GBE1: variants seen among roughly 807,000 people sequenced by gnomAD.
GBE1 encodes 1,4-alpha-glucan branching enzyme 1, also known as 1,4-alpha-glucan-branching enzyme.
A neutral mutation model predicts 88.8 loss-of-function variants in GBE1; 70 were observed. The observed-to-expected ratio is 0.79, with a 90% CI of 0.65 to 0.96. The LOEUF (loss-of-function observed/expected upper bound fraction) is 0.96, where lower values mean the gene tolerates loss of function less well. Among genes scored for constraint, GBE1 ranks in the 40% least tolerant of loss-of-function variants. The probability of loss-of-function intolerance (pLI) is 0.00; values close to 1 mark genes in which losing one functional copy is unlikely to be tolerated. For missense variants in GBE1, 872 were observed against 871.0 expected, an observed-to-expected ratio of 1.00 and a Z score of -0.01; for synonymous variants, 284 against 300.1, an observed-to-expected ratio of 0.95 and a Z score of 0.56.
intron 1 of GBE1, among the ~76,000 whole-genome samples, chr3:81,750,538 C>CATACGTATATAT (rs1706483856): frequency 1.5e-5 from 1 of 67,830 alleles, no homozygotes; most frequent in Admixed American, 1.8e-4. Context: ...TATATATATA[C>CATACGTATATAT]GTATATATAT....
intron 1 of GBE1, among the ~76,000 whole-genome samples, chr3:81,718,628 G>GTGTGT (rs1553693898): frequency 2.0e-5 from 3 of 151,924 alleles, no homozygotes; most frequent in Non-Finnish European, 4.4e-5. Context: ...AGTTTGTTTT[G>GTGTGT]TTTGTTTTGT....
At chr3:81,564,903 A>C (rs928626722) in intron 12 of GBE1, among the ~76,000 whole-genome samples, 1 of 152,166 alleles carries the variant, frequency 6.6e-6, no homozygotes, top group South Asian at 2.1e-4. Flanking sequence ...AGATTTTTCA[A>C]AACAACTACT....
chr3:81,646,389 T>TA lies in GBE1; in HGVS notation c.782+2dup. On this transcript the variant is annotated splice_region_variant and intron_variant, in intron 6 of 15. Coordinates refer to ENST00000429644, the MANE Select transcript of GBE1 (RefSeq NM_000158.4). ...AATGAACACAATGAGTCTCTGATTT[T>TA]ACCTGGAAGCTGCAAAGAAGCTTGT... The TA allele has an allele frequency of 6.4e-7, 1 of 1,569,038 alleles. No homozygotes were observed. Among genetic ancestry groups the TA allele is most frequent in the Non-Finnish European group, 8.7e-7 (1 of 1,150,972 alleles).
intron 12 of GBE1, among the ~76,000 whole-genome samples, chr3:81,545,685 G>A (rs1368153577): frequency 1.3e-5 from 2 of 151,686 alleles, no homozygotes; most frequent in Admixed American, 1.3e-4. Flanking sequence ...CTTTTCCATG[G>A]TTTCACTTTC....
intron 7 of GBE1, among the ~76,000 whole-genome samples, chr3:81,596,896 C>T (rs967988919): frequency 3.9e-5 from 6 of 152,070 alleles, no homozygotes; most frequent in Middle Eastern, 3.4e-3. Context: ...TTAAAGAATA[C>T]GTCACCAGTG....
rs981712852 is a variant in GBE1 at position 81,591,096 on chromosome 3, G to A, written c.1177C>T (p.Leu393Phe). Residue 393 changes from leucine to phenylalanine, a missense_variant, in exon 9 of 16, where the codon CTC becomes TTC. Coordinates refer to ENST00000429644, the MANE Select transcript of GBE1 (RefSeq NM_000158.4). ...TGAACCAAATGATTTGCCAACATGAGGTAAGTCAAGGCATCTTCATCTACT... is the reference window on the plus strand; with the variant it reads ...TGAACCAAATGATTTGCCAACATGAAGTAAGTCAAGGCATCTTCATCTACT... The part of the protein sequence containing the change: ...LQVDEDALTY[L>F]MLANHLVHTL... The A allele has an allele frequency of 6.2e-7, 1 of 1,609,196 alleles. No individual in the cohort carries two copies.
chr3:81,651,565 TA>T (rs527974130), intron 3 of GBE1, among the ~76,000 whole-genome samples: 44 of 148,488 alleles, frequency 3.0e-4, no homozygotes, highest in Admixed American at 1.3e-3. Flanking sequence ...ATTTTAAGCT[TA>T]AAAAAAAAAC....
At chr3:81,563,669 G>A (rs190824939) in intron 12 of GBE1, among the ~76,000 whole-genome samples, 80 of 152,080 alleles carry the variant, frequency 5.3e-4, no homozygotes, top group Admixed American at 2.0e-3. Context: ...TGGGGCTCAC[G>A]GTTAGAAAAT....
chr3:81,507,686 A>G (rs200607731), intron 14 of GBE1, among the ~76,000 whole-genome samples: 2 of 137,156 alleles, frequency 1.5e-5, no homozygotes, highest in African/African-American at 5.2e-5. Flanking sequence ...GTATATATAT[A>G]TGTGTATATA....
chr3:81,493,761 C>T (rs1702466856), intron 15 of GBE1, among the ~76,000 whole-genome samples: 1 of 151,910 alleles, frequency 6.6e-6, no homozygotes. Flanking sequence ...GTCTCGAACT[C>T]CCGACCTCAG....
chr3:81,568,832 A>ATGTG (rs1259504717), intron 12 of GBE1, among the ~76,000 whole-genome samples: 32 of 152,242 alleles, frequency 2.1e-4, no homozygotes, highest in African/African-American at 7.7e-4. Context: ...ATATATATGT[A>ATGTG]TGTGTGTGTA....
rs949732976 is a variant in GBE1, at chr3:81,518,493, T to C, written c.1934+16702A>G. ...TATAGCAGTTGCAATATTTTAATCA[T>C]GCAAAATATTTTTCTTACTTGGTGA... is the stretch of plus-strand genomic sequence containing the variant. On this transcript the variant is annotated intron_variant, in intron 14 of 15. Coordinates refer to ENST00000429644, the MANE Select transcript of GBE1 (RefSeq NM_000158.4). 6.9e-4 allele frequency among the ~76,000 whole-genome samples: 104 copies of C among 151,458 alleles called. 1 individual carries two copies. The highest frequency in any genetic ancestry group is 2.1e-4 in the Non-Finnish European group (14 of 67,618).
At chr3:81,674,619 T>C (rs1705229325) in intron 2 of GBE1, among the ~76,000 whole-genome samples, 1 of 151,814 alleles carries the variant, frequency 6.6e-6, no homozygotes, top group Admixed American at 6.6e-5. Context: ...TTTAGGGAAA[T>C]GCATGTCTTG....
At position 81,619,941 on chromosome 3, in the gene GBE1, C is replaced by T. The variant is rs369926701; in HGVS notation, c.992+22840G>A. ...AACCTTTTCATAGCAAGTTAAAAAA[C>T]GTAGCATTAAAATGTCATCACCATT... On this transcript the variant is annotated intron_variant, in intron 7 of 15. Coordinates refer to ENST00000429644, the MANE Select transcript of GBE1 (RefSeq NM_000158.4). Among the ~76,000 whole-genome samples, 206 of 151,726 alleles carry T rather than the reference C, an allele frequency of 1.4e-3. 2 individuals are homozygous for T. The South Asian group carries it at 0.021, about 16-fold the overall frequency.
intron 12 of GBE1, among the ~76,000 whole-genome samples, chr3:81,569,251 T>C (rs1252676362): frequency 6.6e-6 from 1 of 152,206 alleles, no homozygotes. Flanking sequence ...AAAACTAATT[T>C]AAATGTAGGA....
intron 1 of GBE1, among the ~76,000 whole-genome samples, chr3:81,710,818 T>TC (rs1705855274): frequency 6.6e-6 from 1 of 152,244 alleles, no homozygotes; most frequent in Non-Finnish European, 1.5e-5. Flanking sequence ...TTACGATTTT[T>TC]CCCAAGTTCC....
At chr3:81,675,454 A>C (rs1292993709) in intron 2 of GBE1, among the ~76,000 whole-genome samples, 10 of 152,062 alleles carry the variant, frequency 6.6e-5, no homozygotes, top group Non-Finnish European at 1.3e-4. Flanking sequence ...GGGAATAGAA[A>C]TGATAATCAG....
At chr3:81,647,265 T>C (rs1023868294) in intron 5 of GBE1, among the ~76,000 whole-genome samples, 2 of 152,122 alleles carry the variant, frequency 1.3e-5, no homozygotes, top group African/African-American at 4.8e-5. Flanking sequence ...GCCTGCAAGG[T>C]AGCTTTTATA....
In GBE1 at chr3:81,576,263, T is replaced by C. The variant is rs916040713; in HGVS notation, c.1618+1662A>G. On this transcript the variant is annotated intron_variant, in intron 12 of 15. Transcript: ENST00000429644. ...TACATGATAACTATAATAATCATAG[T>C]TATCAAATAGAAAAATATTTTATCC... 8.6e-5 allele frequency among the ~76,000 whole-genome samples: 13 copies of C among 151,970 alleles called. 1 individual carries two copies. Among genetic ancestry groups the C allele is most frequent in the African/African-American group, 3.1e-4 (13 of 41,488 alleles).
Sources: allele counts gnomAD v4.1 joint callset (sites outside exome capture counted in the v4.1 genomes callset), GRCh38; gene constraint gnomAD v4.1.1; transcripts MANE v1.5; gene names NCBI Gene and HGNC (gene_info 2026-07-23, HGNC 2026-07-21).